The following NLGN1 variants were observed in gnomAD, a reference collection of about 807,000 sequenced individuals.
NLGN1 encodes the protein neuroligin-1.
A neutral mutation model predicts 65.5 loss-of-function variants in NLGN1; 12 were observed. The observed-to-expected ratio is 0.18, with a 90% CI of 0.12 to 0.30. The LOEUF (loss-of-function observed/expected upper bound fraction) is 0.30, where lower values mean the gene tolerates loss of function less well. Among genes scored for constraint, NLGN1 ranks in the 10% least tolerant of loss-of-function variants. The pLI is 1.00. For missense variants in NLGN1, 750 were observed against 1,007.1 expected, an observed-to-expected ratio of 0.74 and a Z score of 3.46; for synonymous variants, 350 against 359.5, an observed-to-expected ratio of 0.97 and a Z score of 0.30.
intron 2 of NLGN1, among the ~76,000 whole-genome samples, chr3:173,557,856 T>C (rs974381524): frequency 7.9e-5 from 12 of 152,136 alleles, no homozygotes; most frequent in African/African-American, 2.9e-4. Flanking sequence ...ATATTTTCTG[T>C]AGATTCAAAT....
chr3:173,606,180 A>G (rs1206400396), intron 3 of NLGN1, among the ~76,000 whole-genome samples: 1 of 152,076 alleles, frequency 6.6e-6, no homozygotes, highest in East Asian at 1.9e-4. Flanking sequence ...CAGATTTGAT[A>G]CTAAATATTT....
At chr3:173,418,368 T>C (rs1476014608) in intron 1 of NLGN1, among the ~76,000 whole-genome samples, 1 of 152,026 alleles carries the variant, frequency 6.6e-6, no homozygotes, top group African/African-American at 2.4e-5. Context: ...TTAGGATAAA[T>C]TATTGATCAT....
chr3:173,855,500 T>A, intron 4 of NLGN1, among the ~76,000 whole-genome samples: 1 of 141,868 alleles, frequency 7.0e-6, no homozygotes, highest in East Asian at 2.1e-4. Context: ...GAGCCCTACA[T>A]ATTTGAAACA....
In NLGN1 at chr3:173,494,155, G is replaced by C. The variant is rs1030891712; in HGVS notation, c.-321+59077G>C. On this transcript the variant is annotated intron_variant, in intron 2 of 6. Transcript: ENST00000457714. ...TGTGTGTGTGTGTGTGTGTGCGCGTGCATGTGCGGGGAGTGGTGGTGGTGG... is the reference window on the plus strand; with the variant it reads ...TGTGTGTGTGTGTGTGTGTGCGCGTCCATGTGCGGGGAGTGGTGGTGGTGG... Among the ~76,000 whole-genome samples, 8 of 149,668 alleles carry C rather than the reference G, an allele frequency of 5.3e-5. 1 individual carries two copies. Among genetic ancestry groups the C allele is most frequent in the African/African-American group, 2.0e-4 (8 of 40,544 alleles).
chr3:174,090,644 C>G (rs1217680525), intron 4 of NLGN1, among the ~76,000 whole-genome samples: 2 of 151,972 alleles, frequency 1.3e-5, no homozygotes, highest in Non-Finnish European at 2.9e-5. Context: ...ACCAGTAAAA[C>G]TCAGGTTGAA....
chr3:174,279,689 T>C lies in NLGN1; in HGVS notation c.1649+39T>C, dbSNP rs1215027873. On this transcript the variant is annotated intron_variant, in intron 6 of 6. Transcript: ENST00000457714. This position sits in a 1 kb window ranked among gnomAD's most constrained non-coding sequence, Gnocchi z 4.7. The stretch of plus-strand genomic sequence containing the variant: ...GAATGAAGTTTATTTTTAATAAAAA[T>C]GTTATTTTAACCATTTTAAAATAAT... 12 of 1,269,020 alleles carry C rather than the reference T, an allele frequency of 9.5e-6. No individual in the cohort carries two copies. In the South Asian group the frequency reaches 1.4e-4, roughly 15 times the overall value. 78.6% of individuals were successfully genotyped at this position (1,269,020 alleles called of 1,614,324 possible).
At chr3:173,627,178 A>C (rs1287430437) in intron 3 of NLGN1, among the ~76,000 whole-genome samples, 1 of 152,086 alleles carries the variant, frequency 6.6e-6, no homozygotes, top group Admixed American at 6.6e-5. Flanking sequence ...TAAGGTGTAC[A>C]ATGTTTGTAT....
intron 2 of NLGN1, among the ~76,000 whole-genome samples, chr3:173,477,655 A>G (rs1251154131): frequency 6.6e-6 from 1 of 152,188 alleles, no homozygotes; most frequent in Non-Finnish European, 1.5e-5. Flanking sequence ...ATAATGAGAG[A>G]AACCCAAAGA....
intron 2 of NLGN1, among the ~76,000 whole-genome samples, chr3:173,567,020 G>C (rs541943809): frequency 5.3e-5 from 8 of 152,224 alleles, no homozygotes; most frequent in Admixed American, 4.6e-4. Flanking sequence ...ATCTCATGCT[G>C]TGCCCTTGTG....
intron 4 of NLGN1, among the ~76,000 whole-genome samples, chr3:174,089,048 A>G (rs1364089602): frequency 3.3e-5 from 5 of 152,222 alleles, no homozygotes; most frequent in Admixed American, 2.6e-4. Context: ...AACACTAAGA[A>G]TCCATCCTGA....
chr3:173,688,679 A>G (rs753675230), intron 3 of NLGN1, among the ~76,000 whole-genome samples: 1 of 152,206 alleles, frequency 6.6e-6, no homozygotes, highest in Non-Finnish European at 1.5e-5. Flanking sequence ...GATGTATAAG[A>G]AAACTAATCT....
At chr3:173,457,846 G>C (rs533665717) in intron 2 of NLGN1, among the ~76,000 whole-genome samples, 101 of 152,058 alleles carry the variant, frequency 6.6e-4, no homozygotes, top group Admixed American at 3.9e-4. Flanking sequence ...GACAAGATTG[G>C]CATTTATGCA....
chr3:173,566,243 T>C (rs544565628), intron 2 of NLGN1, among the ~76,000 whole-genome samples: 10 of 152,306 alleles, frequency 6.6e-5, no homozygotes, highest in Middle Eastern at 3.4e-3. Context: ...GTAGGAAATA[T>C]AGCTTCAGGA....
chr3:173,833,256 T>G (rs1397555469), intron 4 of NLGN1, among the ~76,000 whole-genome samples: 1 of 152,168 alleles, frequency 6.6e-6, no homozygotes, highest in African/African-American at 2.4e-5. Context: ...TACTGTGTAT[T>G]TTCAAACCAT....
chr3:174,143,481 C>T (rs1473629642), intron 4 of NLGN1, among the ~76,000 whole-genome samples: 1 of 152,196 alleles, frequency 6.6e-6, no homozygotes, highest in Non-Finnish European at 1.5e-5. Context: ...CTTTCATAAT[C>T]TCTGTATTCC....
intron 4 of NLGN1, among the ~76,000 whole-genome samples, chr3:173,973,417 A>G (rs1294195192): frequency 6.6e-6 from 1 of 152,124 alleles, no homozygotes; most frequent in Non-Finnish European, 1.5e-5. Flanking sequence ...GATGAATGAA[A>G]TGGAGGAAAG....
intron 4 of NLGN1, among the ~76,000 whole-genome samples, chr3:173,810,118 C>T (rs1157199350): frequency 7.2e-5 from 11 of 152,108 alleles, no homozygotes; most frequent in Non-Finnish European, 8.8e-5. Context: ...GTATTCTGGT[C>T]ACTTTTTTCC....
chr3:173,490,724 G>C (rs1728991408), intron 2 of NLGN1, among the ~76,000 whole-genome samples: 1 of 152,188 alleles, frequency 6.6e-6, no homozygotes, highest in African/African-American at 2.4e-5. Flanking sequence ...TCCTATCCAT[G>C]AGCATGGGAT....
At chr3:174,105,871 G>A (rs1713664849) in intron 4 of NLGN1, among the ~76,000 whole-genome samples, 1 of 151,996 alleles carries the variant, frequency 6.6e-6, no homozygotes. Flanking sequence ...TATGTGAATG[G>A]CTACACTATC....
Sources: gnomAD v4.1 joint callset for allele counts (sites outside exome capture counted in the v4.1 genomes callset) on GRCh38, gnomAD v4.1.1 for gene constraint, Gnocchi (gnomAD v3.1) non-coding constraint, MANE v1.5 for transcripts, NCBI Gene and HGNC (gene_info 2026-07-23, HGNC 2026-07-21) for gene names.